The following CDK13 variants were observed in gnomAD, a reference collection of about 807,000 sequenced individuals.
The protein encoded by CDK13 is cyclin-dependent kinase 13.
A neutral mutation model predicts 137.6 loss-of-function variants in CDK13; 40 were observed. The observed-to-expected ratio is 0.29, with a 90% CI of 0.23 to 0.38. The LOEUF is 0.38. Ranked by LOEUF, CDK13 falls within the 10% of genes least tolerant of loss-of-function variation. CDK13 has a pLI of 1.00. For missense variants in CDK13, 1,704 were observed against 1,951.8 expected, an observed-to-expected ratio of 0.87 and a Z score of 2.39; for synonymous variants, 869 against 760.1, an observed-to-expected ratio of 1.14 and a Z score of -2.36.
chr7:40,044,486 T>C (rs777658075), intron 5 of CDK13, among the ~76,000 whole-genome samples: 3 of 151,848 alleles, frequency 2.0e-5, no homozygotes, highest in Non-Finnish European at 4.4e-5. Context: ...GCCAGGCTAA[T>C]TTTTGTAGTT....
chr7:40,021,892 T>A (rs1785134497), intron 5 of CDK13, among the ~76,000 whole-genome samples: 2 of 152,190 alleles, frequency 1.3e-5, no homozygotes, highest in Non-Finnish European at 2.9e-5. Context: ...ATGTAGAGAA[T>A]CTCATTATTT....
chr7:40,006,570 T>C (rs1784799757), intron 5 of CDK13, among the ~76,000 whole-genome samples: 1 of 152,104 alleles, frequency 6.6e-6, no homozygotes, highest in Non-Finnish European at 1.5e-5. Flanking sequence ...TCCCAGCACT[T>C]TGGTTGGCTG....
At chr7:40,046,094 C>G in intron 6 of CDK13, 69 bp downstream of exon 6, 1 of 988,764 alleles carries the variant, frequency 1.0e-6, no homozygotes. Flanking sequence ...AGAGAATAGA[C>G]TGGAAACCGT....
intron 11 of CDK13, among the ~76,000 whole-genome samples, 189 bp downstream of exon 11, chr7:40,079,040 C>T (rs1163958306): frequency 6.6e-6 from 1 of 152,028 alleles, no homozygotes; most frequent in African/African-American, 2.4e-5. Flanking sequence ...TTAATGTTTA[C>T]CCATAGGGCT....
chr7:39,950,276 G>T lies in CDK13; in HGVS notation c.-366G>T. 9.5e-7 allele frequency: 1 copy of T among 1,057,578 alleles called. No homozygotes were observed. The highest frequency in any genetic ancestry group is 1.1e-6 in the Non-Finnish European group (1 of 877,004). 65.5% of individuals were successfully genotyped at this position (1,057,578 alleles called of 1,614,324 possible). The stretch of plus-strand genomic sequence containing the variant: ...GTGGTACTTCCGCGTTGCGCTGCCC[G>T]AGCCGAGAGCGCGGCCAAGGCCGCT... On this transcript the variant is annotated 5_prime_UTR_variant, in exon 1 of 14. Coordinates refer to ENST00000181839, the MANE Select transcript of CDK13 (RefSeq NM_003718.5).
chr7:39,952,836 G>A (rs1161688057), intron 1 of CDK13: 1 of 147,502 alleles, frequency 6.8e-6, no homozygotes, highest in East Asian at 2.0e-4. Flanking sequence ...TGCCTTTTTT[G>A]TTATATAATA....
intron 5 of CDK13, among the ~76,000 whole-genome samples, chr7:40,035,743 T>C (rs1468728467): frequency 6.6e-6 from 1 of 152,030 alleles, no homozygotes; most frequent in Non-Finnish European, 1.5e-5. Flanking sequence ...AAATGTAATG[T>C]ACTTGAATCA....
At chr7:39,995,798 G>A (rs767121751) in intron 2 of CDK13, among the ~76,000 whole-genome samples, 8 of 152,108 alleles carry the variant, frequency 5.3e-5, no homozygotes, top group Non-Finnish European at 1.0e-4. Context: ...ATCTGAGGTC[G>A]GGAGTACAAG....
chr7:39,976,312 C>CTCTCTCTCTCTCTCTCTCTT, intron 1 of CDK13, among the ~76,000 whole-genome samples: 1 of 99,436 alleles, frequency 1.0e-5, no homozygotes, highest in Non-Finnish European at 2.2e-5. Context: ...CTCTCTCTCT[C>CTCTCTCTCTCTCTCTCTCTT]TCTCTCTCTC....
chr7:39,987,945 A>G lies in CDK13; in HGVS notation c.1558A>G (p.Ile520Val), dbSNP rs757148255. The G allele has an allele frequency of 1.2e-6, 2 of 1,614,110 alleles. No homozygotes were observed. The highest frequency in any genetic ancestry group is 2.7e-5 in the African/African-American group (2 of 74,942). ...TGTGAAGGATGTGAAGAAAATTAAA[A>G]TTGAACATGCACCTTCTCCCTCAAG... is the stretch of plus-strand genomic sequence containing the variant. ...NHVKDVKKIK[I>V]EHAPSPSSGG... The change falls in exon 2 of 14, where the codon ATT (isoleucine) becomes GTT (valine). Residue 520 changes from isoleucine (I) to valine (V), a missense_variant. Transcript: ENST00000181839.
In CDK13 at chr7:40,050,511, C is replaced by T. The variant is rs1785863528; in HGVS notation, c.2600+2634C>T. ...GGTTCTAGCGATTCTCCAGCTTCAG[C>T]CTTCCGAGTAGCTGGGACTGCAGAT... On this transcript the variant is annotated intron_variant, in intron 7 of 13. Transcript: ENST00000181839. Among the ~76,000 whole-genome samples, 3 of 152,206 alleles carry T rather than the reference C, an allele frequency of 2.0e-5. No individual in the cohort carries two copies. In the South Asian group the frequency reaches 6.2e-4, roughly 31 times the overall value.
intron 2 of CDK13, among the ~76,000 whole-genome samples, chr7:39,993,168 T>C (rs983163498): frequency 1.3e-5 from 2 of 152,250 alleles, no homozygotes; most frequent in Admixed American, 1.3e-4. Flanking sequence ...TGGTGATTTT[T>C]TTTTCCATTG....
intron 1 of CDK13, among the ~76,000 whole-genome samples, chr7:39,965,319 A>G (rs1401686249): frequency 1.3e-5 from 2 of 152,160 alleles, no homozygotes; most frequent in East Asian, 3.9e-4. Context: ...TTGGGTGCAT[A>G]TATATTTAGG....
intron 9 of CDK13, among the ~76,000 whole-genome samples, 167 bp from the exon 10 acceptor site, chr7:40,077,838 A>G (rs1786579445): frequency 6.6e-6 from 1 of 152,230 alleles, no homozygotes; most frequent in Admixed American, 6.5e-5. Context: ...CCTGGGTGAC[A>G]GAGTGAGACT....
At chr7:39,959,580 T>C (rs184427849) in intron 1 of CDK13, among the ~76,000 whole-genome samples, 1 of 152,032 alleles carries the variant, frequency 6.6e-6, no homozygotes, top group Admixed American at 6.6e-5. Flanking sequence ...ATCTCTCACC[T>C]CAGCCTCCCG....
chr7:40,010,514 T>C (rs1311122623), intron 5 of CDK13, among the ~76,000 whole-genome samples: 1 of 152,094 alleles, frequency 6.6e-6, no homozygotes, highest in East Asian at 1.9e-4. Context: ...GGAAACCCCG[T>C]CTCTACTAAA....
intron 11 of CDK13, among the ~76,000 whole-genome samples, chr7:40,085,380 AAG>A (rs375082516): frequency 2.2e-3 from 335 of 152,150 alleles, no homozygotes; most frequent in African/African-American, 7.8e-3. Context: ...AAAAAAAAAA[AAG>A]GAAAGAAAAT....
chr7:40,012,335 G>A (rs1784913129), intron 5 of CDK13, among the ~76,000 whole-genome samples: 1 of 152,136 alleles, frequency 6.6e-6, no homozygotes, highest in South Asian at 2.1e-4. Context: ...GTGGCTCATA[G>A]CTATAATCCC....
intron 3 of CDK13, chr7:39,998,117 A>G (rs1174445792): frequency 6.4e-6 from 1 of 156,112 alleles, no homozygotes. Context: ...TGAAATTTGT[A>G]TCCTAAATTA....
Sources: gnomAD v4.1 joint callset for allele counts (sites outside exome capture counted in the v4.1 genomes callset) on GRCh38, gnomAD v4.1.1 for gene constraint, MANE v1.5 for transcripts, NCBI Gene and HGNC (gene_info 2026-07-23, HGNC 2026-07-21) for gene names.